CENPP: variants seen among roughly 807,000 people sequenced by gnomAD.
CENPP encodes the protein centromere protein P.
In CENPP, 24 loss-of-function variants were observed where a neutral mutation model predicts 35.6. The ratio of observed to expected loss-of-function variants is 0.67; its 90% CI spans 0.49 to 0.95. The LOEUF (loss-of-function observed/expected upper bound fraction) is 0.95, where lower values mean the gene tolerates loss of function less well. Among genes scored for constraint, CENPP ranks in the 40% least tolerant of loss-of-function variants. The pLI, the probability that CENPP is intolerant of heterozygous loss-of-function variation, is 0.00. For synonymous variants in CENPP, 120 were observed against 125.5 expected (o/e 0.96, Z 0.29); for missense variants, 332 against 345.3 (o/e 0.96, Z 0.31).
chr9:92,361,111 G>A (rs916714437), intron 4 of CENPP, among the ~76,000 whole-genome samples: 9 of 150,338 alleles, frequency 6.0e-5, no homozygotes, highest in African/African-American at 2.2e-4. Flanking sequence ...ACTTAAGTGT[G>A]TATTTTTATT....
chr9:92,563,971 T>C (rs920108152), intron 5 of CENPP, among the ~76,000 whole-genome samples: 3 of 152,226 alleles, frequency 2.0e-5, no homozygotes, highest in Admixed American at 6.5e-5. Flanking sequence ...GAATTATTTC[T>C]TTGTGTATTT....
chr9:92,562,727 G>GGAAT (rs1201191056), intron 5 of CENPP, among the ~76,000 whole-genome samples: 1 of 152,094 alleles, frequency 6.6e-6, no homozygotes, highest in African/African-American at 2.4e-5. Context: ...CCATTTGCTG[G>GGAAT]GAATGGGGAT....
intron 5 of CENPP, among the ~76,000 whole-genome samples, chr9:92,437,610 A>C (rs906842193): frequency 6.6e-6 from 1 of 151,510 alleles, no homozygotes; most frequent in Non-Finnish European, 1.5e-5. Flanking sequence ...GGGTTTCGCC[A>C]TGTTGCCCAA....
At chr9:92,494,021 A>G in intron 5 of CENPP, 2 of 1,559,046 alleles carry the variant, frequency 1.3e-6, no homozygotes, top group Non-Finnish European at 1.7e-6. Flanking sequence ...ATTGTCACCC[A>G]TTTTTCTGAC....
At chr9:92,408,781 G>A (rs1843372841) in intron 5 of CENPP, among the ~76,000 whole-genome samples, 1 of 152,146 alleles carries the variant, frequency 6.6e-6, no homozygotes, top group African/African-American at 2.4e-5. Context: ...GACATTGCCA[G>A]CTGTCCACTG....
At chr9:92,408,680 T>A (rs550035821) in intron 5 of CENPP, among the ~76,000 whole-genome samples, 1 of 152,144 alleles carries the variant, frequency 6.6e-6, no homozygotes, top group Non-Finnish European at 1.5e-5. Flanking sequence ...CACTTTAGGA[T>A]GTTTAGCAGC....
At chr9:92,609,667 G>A (rs1851181712) in intron 5 of CENPP, among the ~76,000 whole-genome samples, 1 of 152,252 alleles carries the variant, frequency 6.6e-6, no homozygotes, top group East Asian at 1.9e-4. Flanking sequence ...AGCCTACCGT[G>A]AAAGTCTCCT....
intron 5 of CENPP, among the ~76,000 whole-genome samples, chr9:92,439,262 CTTTAT>C (rs1300822600): frequency 1.3e-5 from 2 of 151,952 alleles, no homozygotes; most frequent in African/African-American, 4.8e-5. Context: ...GCTTTCTTGT[CTTTAT>C]TTTCAGACTT....
At chr9:92,380,405 A>G (rs1016458557) in intron 5 of CENPP, among the ~76,000 whole-genome samples, 1 of 152,188 alleles carries the variant, frequency 6.6e-6, no homozygotes, top group African/African-American at 2.4e-5. Context: ...GGTTCTACTC[A>G]TTTGGATAGC....
At chr9:92,376,477 AAAG>A (rs768760529) in intron 4 of CENPP, among the ~76,000 whole-genome samples, 1 of 152,174 alleles carries the variant, frequency 6.6e-6, no homozygotes. Context: ...TTAATAGGTG[AAAG>A]AAGGAGAGGA....
intron 5 of CENPP, among the ~76,000 whole-genome samples, chr9:92,484,271 A>C (rs926655144): frequency 6.6e-6 from 1 of 152,186 alleles, no homozygotes; most frequent in African/African-American, 2.4e-5. Flanking sequence ...CCATTCTCAT[A>C]CATCCAGAAT....
chr9:92,450,812 A>G (rs958337271), intron 5 of CENPP, among the ~76,000 whole-genome samples: 7 of 151,924 alleles, frequency 4.6e-5, no homozygotes, highest in African/African-American at 1.7e-4. Flanking sequence ...ATGGTATCTC[A>G]TTGTGGTTTT....
At chr9:92,589,492 T>G (rs1386759140) in intron 5 of CENPP, among the ~76,000 whole-genome samples, 1 of 151,948 alleles carries the variant, frequency 6.6e-6, no homozygotes, top group Non-Finnish European at 1.5e-5. Context: ...TATTGGAAGA[T>G]ATGCCCTTGT....
At chr9:92,604,722 G>A (rs1851024785) in intron 5 of CENPP, among the ~76,000 whole-genome samples, 1 of 152,044 alleles carries the variant, frequency 6.6e-6, no homozygotes, top group South Asian at 2.1e-4. Flanking sequence ...AGCTTTTGGA[G>A]TAGCTGGGAT....
intron 5 of CENPP, among the ~76,000 whole-genome samples, chr9:92,602,432 C>T (rs565901872): frequency 2.0e-4 from 30 of 152,262 alleles, no homozygotes; most frequent in African/African-American, 7.0e-4. Context: ...GGTGGGGCCG[C>T]GTCTGAGGCA....
rs550644391 is a variant in CENPP, at chr9:92,354,088, C to T, written c.467+8301C>T. Among the ~76,000 whole-genome samples the T allele has an allele frequency of 2.6e-5, 4 of 152,310 alleles. No individual in the cohort carries two copies. The South Asian group carries it at 8.3e-4, about 32-fold the overall frequency. The stretch of plus-strand genomic sequence containing the variant: ...CACTTCTTTAGCCGTAAAGTGAGTG[C>T]CTTCATCAGAGGCAATGCTGTATGG... On this transcript the variant is annotated intron_variant, in intron 4 of 7. Transcript: ENST00000375587.
rs559362878 is a variant in CENPP at position 92,390,055 on chromosome 9, A to G, written c.564+10196A>G. 1.4e-5 allele frequency: 21 copies of G among 1,539,200 alleles called. No homozygotes were observed. In the South Asian group the frequency reaches 2.2e-4, roughly 16 times the overall value. On this transcript the variant is annotated intron_variant, in intron 5 of 7. Transcript: ENST00000375587. ...CTGTAAAATCGAGTCTTCTTAAGTT[A>G]GCTAGAGGGAAAAAAATATAAAAAA... is the stretch of plus-strand genomic sequence containing the variant.
chr9:92,417,625 A>G, intron 5 of CENPP: 1 of 909,038 alleles, frequency 1.1e-6, no homozygotes, highest in Non-Finnish European at 1.7e-6. Flanking sequence ...TAAACTCAGA[A>G]TACGCTTTGT....
At chr9:92,475,074 A>G (rs1378905211) in intron 5 of CENPP, 12 of 835,270 alleles carry the variant, frequency 1.4e-5, no homozygotes, top group East Asian at 9.7e-5. Context: ...TTGGAAAGCA[A>G]TTCAGCAATG....
Sources: gnomAD v4.1 joint callset for allele counts (sites outside exome capture counted in the v4.1 genomes callset) on GRCh38, gnomAD v4.1.1 for gene constraint, MANE v1.5 for transcripts, NCBI Gene and HGNC (gene_info 2026-07-23, HGNC 2026-07-21) for gene names.